SELENOF: variants seen among roughly 807,000 people sequenced by gnomAD.
The protein encoded by SELENOF is selenoprotein F.
In SELENOF, 16 loss-of-function variants were observed where a neutral mutation model predicts 20.5. That is an observed-to-expected ratio of 0.78 (90% CI 0.53 to 1.19). The LOEUF is 1.19. SELENOF is among the 50% of genes most tolerant of loss of function. The probability of loss-of-function intolerance (pLI) is 0.00; values close to 1 mark genes in which losing one functional copy is unlikely to be tolerated. For synonymous variants in SELENOF, 78 were observed against 74.5 expected (o/e 1.05, Z -0.24); for missense variants, 215 against 194.2 (o/e 1.11, Z -0.64).
chr1:86,884,768 T>C (rs1264790957), intron 2 of SELENOF, among the ~76,000 whole-genome samples: 1 of 152,204 alleles, frequency 6.6e-6, no homozygotes, highest in African/African-American at 2.4e-5. Context: ...AGCAAGTTGG[T>C]AGGCCTTTTT....
intron 2 of SELENOF, among the ~76,000 whole-genome samples, chr1:86,901,106 T>A (rs1440797567): frequency 1.3e-5 from 2 of 152,180 alleles, no homozygotes; most frequent in Non-Finnish European, 2.9e-5. Flanking sequence ...TTGCCCAGAC[T>A]TAAATATTTT....
Position 86,904,998 on chromosome 1 carries a change from A to G in SELENOF, c.85-1550T>C, listed in dbSNP as rs986881233. ...GCTTCCAAAGCCAACAGTCCACTCA[A>G]TATCACATTTAGGTGTTGAATATGC... On this transcript the variant is annotated intron_variant, in intron 1 of 4. Transcript: ENST00000331835. Among the ~76,000 whole-genome samples the G allele has an allele frequency of 2.0e-5, 3 of 152,172 alleles. No individual in the cohort carries two copies. The East Asian group carries it at 5.8e-4, about 29-fold the overall frequency.
At chr1:86,890,368 CAT>C (rs1385464259) in intron 2 of SELENOF, among the ~76,000 whole-genome samples, 4 of 152,276 alleles carry the variant, frequency 2.6e-5, no homozygotes, top group Admixed American at 1.3e-4. Flanking sequence ...GTTTATAGCA[CAT>C]ATCTCATTGA....
At chr1:86,873,041 T>G (rs894944110) in intron 3 of SELENOF, among the ~76,000 whole-genome samples, 2 of 130,306 alleles carry the variant, frequency 1.5e-5, no homozygotes, top group African/African-American at 5.5e-5. Context: ...TGTGACTCCG[T>G]CTAAAATAAA....
At chr1:86,908,149 T>C (rs1659878809) in intron 1 of SELENOF, among the ~76,000 whole-genome samples, 1 of 152,198 alleles carries the variant, frequency 6.6e-6, no homozygotes. Flanking sequence ...AAATCTGATC[T>C]AGCTATATAT....
upstream of SELENOF, chr1:86,914,562 T>G (rs1479339062): frequency 1.1e-5 from 2 of 183,174 alleles, no homozygotes; most frequent in Non-Finnish European, 2.2e-5. Context: ...GGGCTTCTGG[T>G]TGCCGAGCAG....
intron 1 of SELENOF, among the ~76,000 whole-genome samples, chr1:86,906,908 T>C (rs1233445652): frequency 6.6e-6 from 1 of 152,102 alleles, no homozygotes; most frequent in East Asian, 1.9e-4. Context: ...GCAATAAGAG[T>C]GAAATCACTT....
intron 1 of SELENOF, among the ~76,000 whole-genome samples, chr1:86,909,613 T>G (rs989125905): frequency 2.6e-5 from 4 of 152,208 alleles, no homozygotes; most frequent in Non-Finnish European, 5.9e-5. Flanking sequence ...ACATTCTAAT[T>G]GGCACGGGGA....
intron 2 of SELENOF, among the ~76,000 whole-genome samples, chr1:86,900,553 G>A (rs558065735): frequency 3.3e-5 from 5 of 152,086 alleles, no homozygotes; most frequent in African/African-American, 9.7e-5. Context: ...GTCCAGCTTC[G>A]GCTCGGCATC....
intron 2 of SELENOF, among the ~76,000 whole-genome samples, chr1:86,898,580 C>CTTTTT (rs747362493): frequency 8.0e-6 from 1 of 124,996 alleles, no homozygotes; most frequent in Non-Finnish European, 1.6e-5. Context: ...TTCTCTTCTT[C>CTTTTT]TTTTTTTTTT....
chr1:86,885,931 C>A (rs376846671), intron 2 of SELENOF, among the ~76,000 whole-genome samples: 2 of 152,222 alleles, frequency 1.3e-5, no homozygotes, highest in South Asian at 2.1e-4. Context: ...TATATAACAT[C>A]TTTTATTATA....
At chr1:86,881,153 A>C (rs2102088694) in intron 2 of SELENOF, among the ~76,000 whole-genome samples, 1 of 152,316 alleles carries the variant, frequency 6.6e-6, no homozygotes, top group Non-Finnish European at 1.5e-5. Context: ...TTTAATATTA[A>C]GTGATCAAAG....
At position 86,869,785 on chromosome 1, in the gene SELENOF, C is replaced by G. The variant is rs797939; in HGVS notation, c.317-1683G>C. On this transcript the variant is annotated intron_variant, in intron 3 of 4. Coordinates refer to ENST00000331835, the MANE Select transcript of SELENOF (RefSeq NM_004261.5). ...TCTTTTTTTGAGACGGGGTCTCACT[C>G]GGCTGAGCGCGGGGTCAGCCTCGGT... 4.0e-5 allele frequency among the ~76,000 whole-genome samples: 6 copies of G among 151,000 alleles called. No homozygotes were observed. In the East Asian group the frequency reaches 1.2e-3, roughly 29 times the overall value.
At chr1:86,872,043 T>C (rs1658783785) in intron 3 of SELENOF, among the ~76,000 whole-genome samples, 1 of 152,198 alleles carries the variant, frequency 6.6e-6, no homozygotes, top group Non-Finnish European at 1.5e-5. Flanking sequence ...ATCACCACCA[T>C]TTACCATCTG....
At chr1:86,908,035 A>G (rs910610561) in intron 1 of SELENOF, among the ~76,000 whole-genome samples, 1 of 151,690 alleles carries the variant, frequency 6.6e-6, no homozygotes, top group Non-Finnish European at 1.5e-5. Context: ...CTCCTTCTCC[A>G]TGCATTACTC....
chr1:86,873,197 C>T lies in SELENOF; in HGVS notation c.317-5095G>A, dbSNP rs574187546. Among the ~76,000 whole-genome samples the T allele has an allele frequency of 6.8e-4, 103 of 152,082 alleles. 1 individual carries two copies. The highest frequency in any genetic ancestry group is 2.3e-3 in the African/African-American group (96 of 41,516). On this transcript the variant is annotated intron_variant, in intron 3 of 4. Coordinates refer to ENST00000331835, the MANE Select transcript of SELENOF (RefSeq NM_004261.5). ...GTTTGAACCTGGGAGGCAGAGGTTG[C>T]AGTGAGCCGAGATCCCGCCACTGCA...
intron 2 of SELENOF, among the ~76,000 whole-genome samples, chr1:86,902,679 A>G (rs998533845): frequency 6.6e-6 from 1 of 152,362 alleles, no homozygotes; most frequent in Non-Finnish European, 1.5e-5. Flanking sequence ...GAAAATATTT[A>G]AAAGATGAGC....
At chr1:86,897,452 G>T (rs941094050) in intron 2 of SELENOF, among the ~76,000 whole-genome samples, 1 of 152,196 alleles carries the variant, frequency 6.6e-6, no homozygotes, top group Non-Finnish European at 1.5e-5. Flanking sequence ...GGTGTGTAAG[G>T]TTGGGGAGAA....
At chr1:86,883,053 G>A (rs990472989) in intron 2 of SELENOF, among the ~76,000 whole-genome samples, 1 of 151,202 alleles carries the variant, frequency 6.6e-6, no homozygotes. Flanking sequence ...TTGAACCCAG[G>A]AAGCAGAGGT....
Sources: gnomAD v4.1 joint callset for allele counts (sites outside exome capture counted in the v4.1 genomes callset) on GRCh38, gnomAD v4.1.1 for gene constraint, MANE v1.5 for transcripts, NCBI Gene and HGNC (gene_info 2026-07-23, HGNC 2026-07-21) for gene names.